OCA2: variants seen among roughly 807,000 people sequenced by gnomAD.
OCA2 encodes OCA2 melanosomal transmembrane protein.
OCA2 carries 77 observed loss-of-function variants against 100.2 expected under a neutral mutation model. That is an observed-to-expected ratio of 0.77 (90% confidence interval 0.64 to 0.93). The LOEUF (loss-of-function observed/expected upper bound fraction) is 0.93. Among genes scored for constraint, OCA2 ranks in the 40% least tolerant of loss-of-function variants. The pLI, the probability that OCA2 is intolerant of heterozygous loss-of-function variation, is 0.00. For synonymous variants in OCA2, 432 were observed against 439.2 expected (o/e 0.98, Z 0.21); for missense variants, 1,062 against 1,089.1 (o/e 0.98, Z 0.35).
At chr15:27,759,584 T>C (rs971768668) in intron 23 of OCA2, among the ~76,000 whole-genome samples, 4 of 151,856 alleles carry the variant, frequency 2.6e-5, no homozygotes, top group Admixed American at 6.6e-5. Context: ...GAGAGGGATA[T>C]TGCATATAGA....
At position 28,069,798 on chromosome 15, in the gene OCA2, G is replaced by T. The variant is rs1459150934; in HGVS notation, c.227+11850C>A. ...CTGCCTTGGCCTCCCAAAGTGCCGAGATTGCAGCCTCTGCCCGGCCGCCAC... is the reference window on the plus strand; with the variant it reads ...CTGCCTTGGCCTCCCAAAGTGCCGATATTGCAGCCTCTGCCCGGCCGCCAC... On this transcript the variant is annotated intron_variant, in intron 2 of 23. Coordinates refer to ENST00000354638, the MANE Select transcript of OCA2 (RefSeq NM_000275.3). Among the ~76,000 whole-genome samples the T allele has an allele frequency of 2.8e-4, 38 of 136,496 alleles. No individual in the cohort carries two copies. The East Asian group carries it at 5.5e-3, about 20-fold the overall frequency. 89.5% of individuals were successfully genotyped at this position (136,496 alleles called of 152,430 possible). A position where few individuals can be genotyped will look rare whatever the true frequency, so the allele number is the denominator to read the frequency against.
chr15:28,027,527 G>C (rs1414701164), intron 4 of OCA2, among the ~76,000 whole-genome samples: 2 of 152,264 alleles, frequency 1.3e-5, no homozygotes, highest in African/African-American at 2.4e-5. Context: ...AACTACAAAG[G>C]TATATCAAAT....
At chr15:28,022,670 G>C in intron 5 of OCA2, 97 bp from the exon 6 acceptor site, 2 of 871,804 alleles carry the variant, frequency 2.3e-6, no homozygotes, top group Non-Finnish European at 1.9e-6. Flanking sequence ...GTGATGATGG[G>C]GCTACTGTGT....
At chr15:27,941,445 C>T (rs1277456427) in intron 18 of OCA2, among the ~76,000 whole-genome samples, 2 of 152,162 alleles carry the variant, frequency 1.3e-5, no homozygotes, top group African/African-American at 4.8e-5. Context: ...CTATGTGATC[C>T]AAGCCATTTG....
chr15:28,093,775 A>G (rs149146041), intron 1 of OCA2, among the ~76,000 whole-genome samples: 86 of 152,288 alleles, frequency 5.6e-4, no homozygotes, highest in African/African-American at 2.0e-3. Flanking sequence ...AGGAACAGAC[A>G]ATTCATACAC....
At chr15:27,901,077 G>A (rs1440670631) in intron 19 of OCA2, among the ~76,000 whole-genome samples, 1 of 152,226 alleles carries the variant, frequency 6.6e-6, no homozygotes, top group Non-Finnish European at 1.5e-5. Flanking sequence ...ATAATAGGAA[G>A]AGCATTGGGA....
In OCA2 at chr15:27,938,041, T is replaced by A. The variant is rs144733229; in HGVS notation, c.1952-11787A>T. On this transcript the variant is annotated intron_variant, in intron 18 of 23. Coordinates refer to ENST00000354638, the MANE Select transcript of OCA2 (RefSeq NM_000275.3). ...TACCCTAGTGATTGCATGTTATGCATGAATAGACTGTAAGGTATGTTGGTA... is the reference window on the plus strand; with the variant it reads ...TACCCTAGTGATTGCATGTTATGCAAGAATAGACTGTAAGGTATGTTGGTA... Among the ~76,000 whole-genome samples, 127 of 152,296 alleles carry A rather than the reference T, an allele frequency of 8.3e-4. 1 individual carries two copies. Among genetic ancestry groups the A allele is most frequent in the African/African-American group, 3.0e-3 (124 of 41,562 alleles).
At chr15:28,057,725 C>T (rs1365771313) in intron 2 of OCA2, among the ~76,000 whole-genome samples, 1 of 152,244 alleles carries the variant, frequency 6.6e-6, no homozygotes, top group African/African-American at 2.4e-5. Flanking sequence ...GACAGCAAAG[C>T]CTCCTGGGCA....
intron 15 of OCA2, 24 bp downstream of exon 15, chr15:27,966,666 A>C: frequency 1.9e-6 from 3 of 1,612,954 alleles, no homozygotes; most frequent in Non-Finnish European, 2.5e-6. Context: ...ATCTGAGCCT[A>C]CATGAGGTTG....
intron 14 of OCA2, among the ~76,000 whole-genome samples, chr15:27,975,098 G>A (rs2040924052): frequency 6.6e-6 from 1 of 152,116 alleles, no homozygotes; most frequent in Non-Finnish European, 1.5e-5. Context: ...GTCTGTCTTG[G>A]GTCATATCAT....
intron 21 of OCA2, among the ~76,000 whole-genome samples, chr15:27,858,907 T>C (rs1005790128): frequency 4.0e-5 from 6 of 151,654 alleles, no homozygotes; most frequent in African/African-American, 1.4e-4. Context: ...AAGAGAAAAT[T>C]TACAAATATT....
At chr15:27,770,151 G>A (rs991911982) in intron 23 of OCA2, among the ~76,000 whole-genome samples, 3 of 152,128 alleles carry the variant, frequency 2.0e-5, no homozygotes, top group African/African-American at 2.4e-5. Flanking sequence ...ACAAAGTCTC[G>A]GTCCCTGGAA....
chr15:27,722,424 G>A, the OCA2 span, among the ~76,000 whole-genome samples: 2 of 152,226 alleles, frequency 1.3e-5, no homozygotes, highest in African/African-American at 4.8e-5. Context: ...CCTTGTGGCT[G>A]TGTGCCTCTC....
At chr15:27,898,229 G>A (rs1486846029) in intron 19 of OCA2, among the ~76,000 whole-genome samples, 1 of 152,158 alleles carries the variant, frequency 6.6e-6, no homozygotes, top group Non-Finnish European at 1.5e-5. Context: ...GCAATGTAAA[G>A]ACATTAGATT....
intron 23 of OCA2, among the ~76,000 whole-genome samples, chr15:27,776,984 T>TGGGGGGAGGGGGGGGGGGGG (rs2032269715): frequency 1.6e-5 from 1 of 61,446 alleles, no homozygotes; most frequent in Admixed American, 1.6e-4. Flanking sequence ...TGGGGGGGGG[T>TGGGGGGAGGGGGGGGGGGGG]GGGGGGAGTG....
chr15:27,721,257 CT>C, the OCA2 span, among the ~76,000 whole-genome samples: 1 of 152,108 alleles, frequency 6.6e-6, no homozygotes, highest in Non-Finnish European at 1.5e-5. Flanking sequence ...AATCCCAGCA[CT>C]TTGGGAGGCT....
At position 27,835,905 on chromosome 15, in the gene OCA2, G is replaced by T. The variant is rs141716867; in HGVS notation, c.2432+9054C>A. On this transcript the variant is annotated intron_variant, in intron 23 of 23. Transcript: ENST00000354638. ...CTTCCTGAAAAGTATACAGTGGAGGGGGGGTGGTCACCCCGAATCAAAGTG... is the reference window on the plus strand; with the variant it reads ...CTTCCTGAAAAGTATACAGTGGAGGTGGGGTGGTCACCCCGAATCAAAGTG... Among the ~76,000 whole-genome samples the T allele has an allele frequency of 4.2e-3, 638 of 152,324 alleles. 4 individuals carry two copies. Among genetic ancestry groups the T allele is most frequent in the African/African-American group, 0.015 (608 of 41,578 alleles).
At chr15:27,797,091 A>G (rs1399838515) in intron 23 of OCA2, among the ~76,000 whole-genome samples, 2 of 151,738 alleles carry the variant, frequency 1.3e-5, no homozygotes, top group East Asian at 3.9e-4. Context: ...GCCTCCCTTC[A>G]CCTCTTCACC....
intron 9 of OCA2, among the ~76,000 whole-genome samples, chr15:28,000,867 A>G (rs2041904165): frequency 6.6e-6 from 1 of 152,222 alleles, no homozygotes; most frequent in African/African-American, 2.4e-5. Flanking sequence ...GGTGCTTAGC[A>G]TCATTAATCA....
Sources: allele counts gnomAD v4.1 joint callset (sites outside exome capture counted in the v4.1 genomes callset), GRCh38; gene constraint gnomAD v4.1.1; transcripts MANE v1.5; gene names NCBI Gene and HGNC (gene_info 2026-07-23, HGNC 2026-07-21).